The following PSME3IP1 variants were observed in gnomAD, a reference collection of about 807,000 sequenced individuals.
PSME3IP1 encodes PSME3-interacting protein.
A neutral mutation model predicts 34.1 loss-of-function variants in PSME3IP1; 13 were observed. The ratio of observed to expected loss-of-function variants is 0.38; its 90% CI spans 0.25 to 0.61. The LOEUF is 0.61. PSME3IP1 is among the 20% of genes least tolerant of loss of function. The pLI, the probability that PSME3IP1 is intolerant of heterozygous loss-of-function variation, is 0.60. For synonymous variants in PSME3IP1, 93 were observed against 114.3 expected (o/e 0.81, Z 1.19); for missense variants, 237 against 301.4 (o/e 0.79, Z 1.58).
chr16:57,177,823 C>A (rs2073335874), intron 1 of PSME3IP1, among the ~76,000 whole-genome samples: 1 of 151,958 alleles, frequency 6.6e-6, no homozygotes, highest in Admixed American at 6.6e-5. Context: ...CCCCCCATCT[C>A]TACAAAAAAT....
chr16:57,170,259 T>G (rs2072411028), intron 4 of PSME3IP1, among the ~76,000 whole-genome samples: 1 of 152,070 alleles, frequency 6.6e-6, no homozygotes. Context: ...ATTTTTGTAT[T>G]TTTAGCAGAG....
At chr16:57,160,296 C>CAA (rs202138648) in intron 6 of PSME3IP1, among the ~76,000 whole-genome samples, 2 of 79,116 alleles carry the variant, frequency 2.5e-5, no homozygotes, top group Admixed American at 1.4e-4. Flanking sequence ...GACTCCGTCT[C>CAA]AAAAAAAAAA....
At chr16:57,163,357 C>CT (rs1282890610) in intron 6 of PSME3IP1, among the ~76,000 whole-genome samples, 1 of 151,998 alleles carries the variant, frequency 6.6e-6, no homozygotes, top group African/African-American at 2.4e-5. Context: ...AAAGCATCAT[C>CT]TTTTTTTGAG....
Position 57,172,775 on chromosome 16 carries a change from CTGAATT to C in PSME3IP1, c.221_226del (p.Phe75_Lys76del), listed in dbSNP as rs748128025. On this transcript the variant is annotated inframe_deletion and splice_region_variant, in exon 3 of 7. Transcript: ENST00000309137. ...TGAACTCTCTGTTTTCTGAAGCTTA[CTGAATT>C]TGAACTGTTCCTCGTACTCCTGCTG... 21 of 1,607,876 alleles carry C rather than the reference CTGAATT, an allele frequency of 1.3e-5. No individual in the cohort carries two copies. The highest frequency in any genetic ancestry group is 1.8e-5 in the Non-Finnish European group (21 of 1,174,516).
intron 4 of PSME3IP1, among the ~76,000 whole-genome samples, chr16:57,168,987 A>G (rs1308848639): frequency 6.6e-6 from 1 of 152,074 alleles, no homozygotes; most frequent in Non-Finnish European, 1.5e-5. Flanking sequence ...AAGCATGTAT[A>G]TATTTATACA....
At chr16:57,168,803 C>CAA (rs1189721344) in intron 4 of PSME3IP1, among the ~76,000 whole-genome samples, 1,573 of 23,864 alleles carry the variant, frequency 0.066, 320 homozygotes, top group Non-Finnish European at 0.092. Context: ...AACTCTGTCT[C>CAA]AAAAAAAAAA....
intron 1 of PSME3IP1, among the ~76,000 whole-genome samples, chr16:57,182,612 A>ATT (rs550199855): frequency 0.012 from 1,289 of 105,190 alleles, 26 homozygotes; most frequent in African/African-American, 0.025. Context: ...GCCAACTAAG[A>ATT]TTTTTTTTTT....
intron 6 of PSME3IP1, among the ~76,000 whole-genome samples, chr16:57,157,545 G>T (rs1367224133): frequency 6.6e-6 from 1 of 151,902 alleles, no homozygotes; most frequent in Non-Finnish European, 1.5e-5. Context: ...GGAAATGAGT[G>T]GCTGGAAAAT....
intron 6 of PSME3IP1, among the ~76,000 whole-genome samples, chr16:57,160,296 CAAAA>C (rs202138648): frequency 1.3e-5 from 1 of 79,130 alleles, no homozygotes. Context: ...GACTCCGTCT[CAAAA>C]AAAAAAAAAA....
intron 5 of PSME3IP1, 141 bp from the exon 6 acceptor site, chr16:57,164,206 C>G (rs2071592377): frequency 2.9e-6 from 2 of 678,992 alleles, no homozygotes; most frequent in African/African-American, 1.8e-5. Flanking sequence ...GAAAAGTATT[C>G]ATTTCAGATT....
chr16:57,157,980 G>A (rs373768568), intron 6 of PSME3IP1, among the ~76,000 whole-genome samples: 4 of 152,106 alleles, frequency 2.6e-5, no homozygotes, highest in East Asian at 1.9e-4. Context: ...CTCCACTAAC[G>A]GTAAGCCCCT....
chr16:57,155,294 T>C lies in PSME3IP1; in HGVS notation c.548-787A>G, dbSNP rs181194237. On this transcript the variant is annotated intron_variant, in intron 6 of 6. Transcript: ENST00000309137. ...TTTCTTACAGGAAACCCACAGTTAC[T>C]CTGCCACCTCAATGACAAAGACCTC... 3.2e-4 allele frequency among the ~76,000 whole-genome samples: 49 copies of C among 152,310 alleles called. 1 individual carries two copies. The East Asian group carries it at 8.1e-3, about 25-fold the overall frequency.
In PSME3IP1 at chr16:57,182,803, G is replaced by A. The variant is rs186033256; in HGVS notation, c.-16+3018C>T. Reference sequence around the variant, plus strand: ...CACATGCCTGTAATCCCAGCTACTCGGGAGGCTGAGGAAGGAGAGTTGCTT... The same window carrying A: ...CACATGCCTGTAATCCCAGCTACTCAGGAGGCTGAGGAAGGAGAGTTGCTT... On this transcript the variant is annotated intron_variant, in intron 1 of 6. Coordinates refer to ENST00000309137, the MANE Select transcript of PSME3IP1 (RefSeq NM_024946.4). Among the ~76,000 whole-genome samples, 707 of 152,086 alleles carry A rather than the reference G, an allele frequency of 4.6e-3. 22 individuals carry two copies. The highest frequency in any genetic ancestry group is 0.042 in the Admixed American group (638 of 15,266).
intron 1 of PSME3IP1, chr16:57,178,524 C>T: frequency 1.0e-6 from 1 of 984,528 alleles, no homozygotes; most frequent in Non-Finnish European, 1.2e-6. Context: ...CCACGAGGAG[C>T]TGAAGAATCT....
chr16:57,164,460 C>A (rs1288351184), intron 5 of PSME3IP1, among the ~76,000 whole-genome samples: 1 of 152,034 alleles, frequency 6.6e-6, no homozygotes, highest in Non-Finnish European at 1.5e-5. Flanking sequence ...TTCTGAGAGT[C>A]ACCCACAAGA....
chr16:57,174,370 A>G, intron 1 of PSME3IP1: 1 of 866,380 alleles, frequency 1.2e-6, no homozygotes, highest in Non-Finnish European at 1.4e-6. Context: ...TTCCTGACAT[A>G]TCAGAGAATT....
At chr16:57,157,103 T>C (rs1016634752) in intron 6 of PSME3IP1, among the ~76,000 whole-genome samples, 1 of 151,394 alleles carries the variant, frequency 6.6e-6, no homozygotes, top group Admixed American at 6.6e-5. Context: ...AGCCCAGGAG[T>C]TTGAGAACAG....
At chr16:57,184,013 T>C (rs1273414504) in intron 1 of PSME3IP1, among the ~76,000 whole-genome samples, 2 of 152,188 alleles carry the variant, frequency 1.3e-5, no homozygotes, top group African/African-American at 4.8e-5. Context: ...ATACTTTCCA[T>C]GTTTAAAGAA....
intron 1 of PSME3IP1, among the ~76,000 whole-genome samples, chr16:57,183,379 C>T (rs997540276): frequency 6.6e-6 from 1 of 152,064 alleles, no homozygotes; most frequent in Admixed American, 6.6e-5. Flanking sequence ...GTCACACAGA[C>T]TAGAGTGCAG....
Sources: allele counts gnomAD v4.1 joint callset (sites outside exome capture counted in the v4.1 genomes callset), GRCh38; gene constraint gnomAD v4.1.1; transcripts MANE v1.5; gene names NCBI Gene and HGNC (gene_info 2026-07-23, HGNC 2026-07-21).